The following CORO2B variants were observed in gnomAD, a reference collection of about 807,000 sequenced individuals.
CORO2B encodes coronin-2B.
Under a neutral mutation model 58.8 loss-of-function variants are expected in CORO2B, and 26 were observed. The observed-to-expected ratio is 0.44, with a 90% confidence interval of 0.32 to 0.61. The LOEUF (loss-of-function observed/expected upper bound fraction) is 0.61. Among genes scored for constraint, CORO2B ranks in the 20% least tolerant of loss-of-function variants. The pLI, the probability that CORO2B is intolerant of heterozygous loss-of-function variation, is 0.04. For missense variants in CORO2B, 460 were observed against 645.1 expected, an observed-to-expected ratio of 0.71 and a Z score of 3.11; for synonymous variants, 242 against 253.8, an observed-to-expected ratio of 0.95 and a Z score of 0.44.
chr15:68,559,567 G>T, the CORO2B span: 3 of 985,144 alleles, frequency 3.0e-6, no homozygotes, highest in African/African-American at 5.2e-5. The surrounding 1 kb of genome is among the most constrained non-coding windows in gnomAD (Gnocchi z 4.3). Context: ...CCCGCTGGAA[G>T]AGCTGCAGGG....
At chr15:68,554,886 T>C in the CORO2B span, among the ~76,000 whole-genome samples, 3 of 152,062 alleles carry the variant, frequency 2.0e-5, no homozygotes, top group Admixed American at 2.0e-4. Flanking sequence ...CGACAGCCAG[T>C]GCAAGGCAGC....
chr15:68,646,277 C>G (rs371138812), intron 2 of CORO2B, among the ~76,000 whole-genome samples: 4 of 152,182 alleles, frequency 2.6e-5, no homozygotes, highest in Admixed American at 6.5e-5. Flanking sequence ...TGGGAGGTCA[C>G]GCGCTTCAGG....
At chr15:68,583,260 C>T (rs1206553555) in intron 1 of CORO2B, among the ~76,000 whole-genome samples, 2 of 152,184 alleles carry the variant, frequency 1.3e-5, no homozygotes, top group Admixed American at 1.3e-4. Flanking sequence ...TACAGAGTCA[C>T]CCATAGGAGA....
the CORO2B span, among the ~76,000 whole-genome samples, chr15:68,569,950 G>A: frequency 3.9e-5 from 6 of 152,330 alleles, no homozygotes; most frequent in Admixed American, 2.0e-4. Context: ...AGGCTGATGT[G>A]TGATCTTTGG....
chr15:68,589,817 C>T (rs367612980), intron 1 of CORO2B, among the ~76,000 whole-genome samples: 56 of 152,326 alleles, frequency 3.7e-4, no homozygotes, highest in African/African-American at 1.2e-3. Flanking sequence ...CAACTAGGAG[C>T]GCCCTGACCA....
At chr15:68,519,028 G>C in the CORO2B span, among the ~76,000 whole-genome samples, 1 of 152,118 alleles carries the variant, frequency 6.6e-6, no homozygotes, top group African/African-American at 2.4e-5. Context: ...GAGTATGCAC[G>C]GCCCAGGACT....
At chr15:68,534,314 A>C in the CORO2B span, among the ~76,000 whole-genome samples, 1 of 152,026 alleles carries the variant, frequency 6.6e-6, no homozygotes, top group Non-Finnish European at 1.5e-5. Context: ...ACATGCACAC[A>C]CTTGCATACA....
At position 68,610,936 on chromosome 15, in the gene CORO2B, G is replaced by A. The variant is rs571333571; in HGVS notation, c.15+31659G>A. 7.9e-5 allele frequency among the ~76,000 whole-genome samples: 12 copies of A among 152,280 alleles called. No homozygotes were observed. The East Asian group carries it at 9.6e-4, about 12-fold the overall frequency. The stretch of plus-strand genomic sequence containing the variant: ...GCACCTTCCATTCCACACCCTCGAC[G>A]CAGCCAAGGAAAGAATCCCAGGGGG... On this transcript the variant is annotated intron_variant, in intron 1 of 11. Coordinates refer to ENST00000261861, the MANE Select transcript of CORO2B (RefSeq NM_006091.5).
At chr15:68,670,721 C>A (rs982133466) in intron 2 of CORO2B, among the ~76,000 whole-genome samples, 8 of 152,096 alleles carry the variant, frequency 5.3e-5, no homozygotes, top group African/African-American at 1.9e-4. Context: ...ATATAAGCAA[C>A]CTTACAAAGC....
chr15:68,608,519 T>A (rs1900177101), intron 1 of CORO2B, among the ~76,000 whole-genome samples: 1 of 152,162 alleles, frequency 6.6e-6, no homozygotes, highest in African/African-American at 2.4e-5. Flanking sequence ...TCTGTGTGAG[T>A]GTGCACGCGT....
chr15:68,610,271 G>T (rs750376397), intron 1 of CORO2B, among the ~76,000 whole-genome samples: 3 of 152,074 alleles, frequency 2.0e-5, no homozygotes, highest in Non-Finnish European at 4.4e-5. Context: ...GTTCTCTAGC[G>T]CCTCGCCTCG....
chr15:68,534,595 C>T, the CORO2B span, among the ~76,000 whole-genome samples: 2 of 152,200 alleles, frequency 1.3e-5, no homozygotes, highest in Admixed American at 1.3e-4. Flanking sequence ...CAATTAAAGA[C>T]TGCTAACTTA....
At chr15:68,659,528 C>T (rs1901941369) in intron 2 of CORO2B, among the ~76,000 whole-genome samples, 2 of 152,126 alleles carry the variant, frequency 1.3e-5, no homozygotes, top group Admixed American at 1.3e-4. Flanking sequence ...GCCCAGGCAA[C>T]ACAGTAAGAG....
the CORO2B span, among the ~76,000 whole-genome samples, chr15:68,518,723 A>C: frequency 6.6e-6 from 1 of 151,804 alleles, no homozygotes; most frequent in Non-Finnish European, 1.5e-5. Flanking sequence ...CTTCCTGGGA[A>C]CCCTGTGATG....
At chr15:68,674,602 C>T (rs929234364) in intron 2 of CORO2B, among the ~76,000 whole-genome samples, 5 of 152,186 alleles carry the variant, frequency 3.3e-5, no homozygotes, top group Admixed American at 6.5e-5. Flanking sequence ...ACTGGACTTG[C>T]ACTGGCGGTG....
chr15:68,635,712 T>C (rs1329540076), intron 1 of CORO2B, among the ~76,000 whole-genome samples: 1 of 152,184 alleles, frequency 6.6e-6, no homozygotes, highest in African/African-American at 2.4e-5. Context: ...GAGGCAGACA[T>C]TTCATTTTCC....
At chr15:68,714,858 C>G (rs1305028946) in intron 7 of CORO2B, among the ~76,000 whole-genome samples, 195 bp downstream of exon 7, 2 of 152,200 alleles carry the variant, frequency 1.3e-5, no homozygotes, top group Admixed American at 6.5e-5. Flanking sequence ...AGAATTCCTT[C>G]AAAGGTGAGC....
rs1040654325 is a variant in CORO2B at position 68,588,780 on chromosome 15, C to T, written c.15+9503C>T. On this transcript the variant is annotated intron_variant, in intron 1 of 11. Transcript: ENST00000261861. ...ATCTGGTAGAATCCAGGACGTGGAA[C>T]GGCTGATGGAAAGAAAGGTGTTGGT... is the stretch of plus-strand genomic sequence containing the variant. Among the ~76,000 whole-genome samples, 12 of 152,124 alleles carry T rather than the reference C, an allele frequency of 7.9e-5. No individual in the cohort carries two copies. The East Asian group carries it at 1.2e-3, about 15-fold the overall frequency.
At chr15:68,571,199 C>T in the CORO2B span, among the ~76,000 whole-genome samples, 2 of 152,146 alleles carry the variant, frequency 1.3e-5, no homozygotes, top group Non-Finnish European at 2.9e-5. Flanking sequence ...CCTTCCTTTC[C>T]CATCCTGCCC....
Sources: allele counts gnomAD v4.1 joint callset (sites outside exome capture counted in the v4.1 genomes callset), GRCh38; gene constraint gnomAD v4.1.1; non-coding constraint Gnocchi (gnomAD v3.1); transcripts MANE v1.5; gene names NCBI Gene and HGNC (gene_info 2026-07-23, HGNC 2026-07-21).